DMD: variants seen among roughly 807,000 people sequenced by gnomAD.
The protein encoded by DMD is dystrophin.
A neutral mutation model predicts 330.1 loss-of-function variants in DMD; 63 were observed. That is an observed-to-expected ratio of 0.19 (90% CI 0.16 to 0.24). DMD has a LOEUF of 0.24. DMD is among the 10% of genes least tolerant of loss of function. DMD has a pLI of 1.00. For synonymous variants in DMD, 1,223 were observed against 959.8 expected, an observed-to-expected ratio of 1.27 and a Z score of -5.07; for missense variants, 3,344 against 2,684.1, an observed-to-expected ratio of 1.25 and a Z score of -5.43.
chrX:33,066,401 A>G (rs2094658435), intron 1 of DMD, among the ~76,000 whole-genome samples: 1 of 100,028 alleles, frequency 1.0e-5, no homozygotes, highest in Non-Finnish European at 2.0e-5. Context: ...GTGAGACGAG[A>G]TCACACCACT....
At chrX:31,454,865 G>A (rs1373024485) in intron 59 of DMD, among the ~76,000 whole-genome samples, 1 of 109,231 alleles carries the variant, frequency 9.2e-6, no homozygotes, top group African/African-American at 3.3e-5. Context: ...CGATCCTCCT[G>A]CTTCAGCCTC....
intron 54 of DMD, among the ~76,000 whole-genome samples, chrX:31,628,941 T>TATATATATATATATA (rs1319231616): frequency 9.8e-6 from 1 of 102,211 alleles, no homozygotes; most frequent in African/African-American, 3.5e-5. Flanking sequence ...TATATATATA[T>TATATATATATATATA]AAAATGCATG....
At chrX:31,546,334 G>A (rs1214509328) in intron 55 of DMD, among the ~76,000 whole-genome samples, 2 of 111,789 alleles carry the variant, frequency 1.8e-5, no homozygotes, top group Non-Finnish European at 3.8e-5. Flanking sequence ...ATTTTGGCTG[G>A]GCTACTCTGG....
chrX:32,413,710 C>CTTTTTTTT (rs779787287), intron 29 of DMD, among the ~76,000 whole-genome samples: 22 of 78,563 alleles, frequency 2.8e-4, no homozygotes, highest in East Asian at 4.1e-4. Context: ...AAGCTCTATT[C>CTTTTTTTT]TTTTTTTTTT....
At chrX:31,572,750 G>T (rs2075890626) in intron 55 of DMD, among the ~76,000 whole-genome samples, 1 of 112,150 alleles carries the variant, frequency 8.9e-6, no homozygotes, top group African/African-American at 3.2e-5. Context: ...TCTCTTCACA[G>T]TCTCACTATC....
intron 2 of DMD, among the ~76,000 whole-genome samples, chrX:32,930,014 G>C: frequency 9.0e-6 from 1 of 111,514 alleles, no homozygotes; most frequent in Non-Finnish European, 1.9e-5. Context: ...ACCCATCATA[G>C]TTTGGAAATT....
At chrX:31,363,875 TC>T (rs1465785004) in intron 60 of DMD, among the ~76,000 whole-genome samples, 1 of 112,392 alleles carries the variant, frequency 8.9e-6, no homozygotes, top group Non-Finnish European at 1.9e-5. Flanking sequence ...AATTGCCATG[TC>T]CCCTGGGGGA....
intron 63 of DMD, among the ~76,000 whole-genome samples, chrX:31,223,345 T>G (rs2046283847): frequency 8.9e-6 from 1 of 112,245 alleles, no homozygotes; most frequent in African/African-American, 3.2e-5. Flanking sequence ...CTAAGTTCTG[T>G]GAAGACTAAA....
intron 7 of DMD, among the ~76,000 whole-genome samples, chrX:32,719,559 C>T (rs1013970087): frequency 9.0e-6 from 1 of 111,464 alleles, no homozygotes; most frequent in Non-Finnish European, 1.9e-5. Flanking sequence ...TGTTAATATG[C>T]ATTTGCCTCC....
intron 7 of DMD, among the ~76,000 whole-genome samples, chrX:32,728,174 T>C (rs1019302802): frequency 1.8e-5 from 2 of 111,124 alleles, no homozygotes; most frequent in Admixed American, 9.7e-5. Context: ...CTAAAACTTG[T>C]CTAGAAATAT....
chrX:32,785,287 TTAATGTATTTG>T lies in DMD; in HGVS notation c.649+24195_649+24205del, dbSNP rs1482617699. Among the ~76,000 whole-genome samples the T allele has an allele frequency of 6.9e-3, 762 of 111,065 alleles. 4 individuals carry two copies. Among genetic ancestry groups the T allele is most frequent in the African/African-American group, 0.024 (728 of 30,670 alleles). On this transcript the variant is annotated intron_variant, in intron 7 of 78. Transcript: ENST00000357033. Reference sequence around the variant, plus strand: ...AGCTAAAACAATAGTGCTCATAATATTAATGTATTTGGCTTGTGTAAGTAACAATATTTAAG... The same window carrying T: ...AGCTAAAACAATAGTGCTCATAATATGCTTGTGTAAGTAACAATATTTAAG...
At chrX:31,503,420 G>A (rs958983317) in intron 56 of DMD, among the ~76,000 whole-genome samples, 1 of 112,174 alleles carries the variant, frequency 8.9e-6, no homozygotes, top group East Asian at 2.8e-4. Flanking sequence ...GACAGTTAGT[G>A]ACAGAATAGA....
chrX:32,802,530 G>A (rs1410133147), intron 7 of DMD, among the ~76,000 whole-genome samples: 2 of 111,813 alleles, frequency 1.8e-5, no homozygotes, highest in African/African-American at 6.5e-5. Flanking sequence ...GGAGTGATGA[G>A]AGAGGGAATT....
intron 41 of DMD, among the ~76,000 whole-genome samples, chrX:32,331,784 C>T (rs2097681420): frequency 9.0e-6 from 1 of 111,551 alleles, no homozygotes; most frequent in Admixed American, 9.6e-5. Flanking sequence ...TGAAGCCAGT[C>T]ATTTGAGACA....
intron 57 of DMD, among the ~76,000 whole-genome samples, chrX:31,494,915 A>G (rs1476794690): frequency 1.8e-5 from 2 of 111,977 alleles, no homozygotes; most frequent in African/African-American, 6.5e-5. Context: ...CATCTTTTGT[A>G]GAAATTCTGT....
chrX:31,483,105 G>A (rs1373635423), intron 57 of DMD, among the ~76,000 whole-genome samples: 2 of 99,347 alleles, frequency 2.0e-5, no homozygotes, highest in Non-Finnish European at 4.0e-5. Flanking sequence ...GGAGTGCAGT[G>A]GCGCAATCTC....
At chrX:32,914,889 A>G (rs781686592) in intron 2 of DMD, among the ~76,000 whole-genome samples, 72 of 111,893 alleles carry the variant, frequency 6.4e-4, no homozygotes, top group South Asian at 4.1e-3. Context: ...TAGCCCTATG[A>G]CATATTTACT....
intron 55 of DMD, among the ~76,000 whole-genome samples, chrX:31,592,301 T>C (rs2076911589): frequency 9.4e-6 from 1 of 106,899 alleles, no homozygotes; most frequent in Admixed American, 1.0e-4. Flanking sequence ...ATTCTACATA[T>C]ATGTAGTTTA....
chrX:32,712,038 A>C, intron 7 of DMD, among the ~76,000 whole-genome samples: 1 of 112,147 alleles, frequency 8.9e-6, no homozygotes, highest in Middle Eastern at 4.7e-3. Context: ...CCTGGCATAA[A>C]GTATGTTTTC....
Sources: gnomAD v4.1 joint callset for allele counts (sites outside exome capture counted in the v4.1 genomes callset) on GRCh38, gnomAD v4.1.1 for gene constraint, MANE v1.5 for transcripts, NCBI Gene and HGNC (gene_info 2026-07-23, HGNC 2026-07-21) for gene names.